The following ACSM1 variants were observed in gnomAD, a reference collection of about 807,000 sequenced individuals.
ACSM1 encodes acyl-CoA synthetase medium chain family member 1.
ACSM1 carries 79 observed loss-of-function variants against 75.8 expected under a neutral mutation model. That is an observed-to-expected ratio of 1.04 (90% CI 0.87 to 1.26). ACSM1 has a LOEUF of 1.26. Among genes scored for constraint, ACSM1 ranks in the 50% most tolerant of loss-of-function variants. The pLI, the probability that ACSM1 is intolerant of heterozygous loss-of-function variation, is 0.00. For synonymous variants in ACSM1, 279 were observed against 265.8 expected (o/e 1.05, Z -0.48); for missense variants, 676 against 720.1 (o/e 0.94, Z 0.70).
Position 20,648,641 on chromosome 16 carries a change from C to T in ACSM1, c.993-8057G>A, listed in dbSNP as rs992359347. The stretch of plus-strand genomic sequence containing the variant: ...TGAAGCCTGCACCTGGAAGCTTCAT[C>T]TGCATAATAAAAACTTTTATTTCTA... On this transcript the variant is annotated intron_variant, in intron 7 of 13. Coordinates refer to ENST00000520010, the MANE Select transcript of ACSM1 (RefSeq NM_001318890.3). This position sits in a 1 kb window ranked among gnomAD's most constrained non-coding sequence, Gnocchi z 4.2. Among the ~76,000 whole-genome samples the T allele has an allele frequency of 9.9e-5, 15 of 152,184 alleles. No homozygotes were observed. Among genetic ancestry groups the T allele is most frequent in the African/African-American group, 2.4e-4 (10 of 41,446 alleles).
At chr16:20,634,073 T>A (rs1479937286) in intron 10 of ACSM1, among the ~76,000 whole-genome samples, 1 of 152,166 alleles carries the variant, frequency 6.6e-6, no homozygotes, top group Non-Finnish European at 1.5e-5. Context: ...GAAGAAACTC[T>A]CCCATATATT....
In ACSM1 at chr16:20,685,237, C is replaced by G. The variant is rs201980910; in HGVS notation, c.359G>C (p.Arg120Pro). 5.6e-6 allele frequency: 9 copies of G among 1,614,162 alleles called. No individual in the cohort carries two copies. The Admixed American group carries it at 1.0e-4, about 18-fold the overall frequency. The change falls in exon 3 of 14, where the codon CGA (arginine) becomes CCA (proline). Residue 120 changes from arginine to proline, a missense_variant. Physicochemically the swap from Arg to Pro is moderately radical, Grantham distance 103. Transcript: ENST00000520010. ...AGCCACCAGCCACCACTCAGGAACT[C>G]GAGGCAGCATCAAGGCCAGATGGTC... ...QGDHLALMLP[R>P]VPEWWLVAVG...
chr16:20,668,252 T>C (rs1332112431), intron 6 of ACSM1, among the ~76,000 whole-genome samples: 1 of 152,158 alleles, frequency 6.6e-6, no homozygotes, highest in Non-Finnish European at 1.5e-5. Context: ...ATAAAAATAG[T>C]AAGTGGGAAA....
chr16:20,637,304 C>T, intron 9 of ACSM1, 67 bp downstream of exon 9: 1 of 1,263,180 alleles, frequency 7.9e-7, no homozygotes, highest in East Asian at 2.3e-5. Context: ...GTGTTGTCAC[C>T]TGGTGTCAAA....
At chr16:20,669,441 AACACACACAC>A (rs71149170) in intron 6 of ACSM1, among the ~76,000 whole-genome samples, 99 of 141,360 alleles carry the variant, frequency 7.0e-4, no homozygotes, top group Middle Eastern at 3.8e-3. Context: ...TGAGTAAGAA[AACACACACAC>A]ACACACACAC....
chr16:20,638,567 C>T (rs1382841993), intron 8 of ACSM1, among the ~76,000 whole-genome samples: 1 of 152,248 alleles, frequency 6.6e-6, no homozygotes, highest in Non-Finnish European at 1.5e-5. Flanking sequence ...ACAGGCGGGA[C>T]ACCAGCCAGA....
At chr16:20,682,791 G>A (rs1453516142) in intron 3 of ACSM1, among the ~76,000 whole-genome samples, 1 of 152,214 alleles carries the variant, frequency 6.6e-6, no homozygotes, top group East Asian at 1.9e-4. Flanking sequence ...TGGAAGTATA[G>A]ATGTAAACAG....
At chr16:20,627,143 G>C in intron 11 of ACSM1, 46 bp downstream of exon 11, 1 of 1,484,654 alleles carries the variant, frequency 6.7e-7, no homozygotes, top group Non-Finnish European at 8.9e-7. Context: ...AATTCCGTGA[G>C]GCATGTGACG....
At chr16:20,655,641 A>C (rs561272359) in intron 7 of ACSM1, among the ~76,000 whole-genome samples, 1 of 152,158 alleles carries the variant, frequency 6.6e-6, no homozygotes, top group African/African-American at 2.4e-5. Flanking sequence ...TTTTATTACA[A>C]ATATTGTCTT....
chr16:20,686,496 G>A (rs1273598991), intron 2 of ACSM1, among the ~76,000 whole-genome samples: 1 of 152,130 alleles, frequency 6.6e-6, no homozygotes, highest in Admixed American at 6.5e-5. Context: ...GGGAGGGAGA[G>A]CATTAGGACA....
At chr16:20,632,455 T>G (rs376342381) in intron 10 of ACSM1, among the ~76,000 whole-genome samples, 1 of 152,156 alleles carries the variant, frequency 6.6e-6, no homozygotes, top group African/African-American at 2.4e-5. Flanking sequence ...GAAAAACTAC[T>G]GGAAACACAC....
intron 1 of ACSM1, among the ~76,000 whole-genome samples, chr16:20,692,673 A>G (rs1429630108): frequency 3.3e-5 from 5 of 152,196 alleles, no homozygotes; most frequent in African/African-American, 4.8e-5. Flanking sequence ...TTTTCCTACA[A>G]GAGACTTTGC....
chr16:20,682,399 C>T lies in ACSM1; in HGVS notation c.468G>A (p.Leu156=). 8 of 1,613,778 alleles carry T rather than the reference C, an allele frequency of 5.0e-6. No homozygotes were observed. The highest frequency in any genetic ancestry group is 6.8e-6 in the Non-Finnish European group (8 of 1,179,726). ...TGGTCACAATGCCCTTGGCTTTAGACAACTGTAGTCGATAGAGAATGTCTT... is the reference window on the plus strand; with the variant it reads ...TGGTCACAATGCCCTTGGCTTTAGATAACTGTAGTCGATAGAGAATGTCTT... The part of the protein sequence containing the change: ...KAKDILYRLQ[L]SKAKGIVTID... The change falls in exon 4 of 14, where the codon TTG becomes TTA. Residue 156 remains leucine, a synonymous_variant. Transcript: ENST00000520010.
In ACSM1 at chr16:20,629,551, T is replaced by C. The variant is rs758255138; in HGVS notation, c.1300-2235A>G. On this transcript the variant is annotated intron_variant, in intron 10 of 13. Transcript: ENST00000520010. ...AATATTAAGCCACACAGAAGACAAA[T>C]AGCAAAATGGTAGAAGTCCTTCCTT... is the stretch of plus-strand genomic sequence containing the variant. Among the ~76,000 whole-genome samples the C allele has an allele frequency of 5.3e-5, 8 of 151,960 alleles. No individual in the cohort carries two copies. The South Asian group carries it at 1.2e-3, about 24-fold the overall frequency.
intron 1 of ACSM1, among the ~76,000 whole-genome samples, chr16:20,691,491 G>A (rs1295431293): frequency 1.3e-5 from 2 of 152,094 alleles, no homozygotes; most frequent in Admixed American, 1.3e-4. Flanking sequence ...CCTTCAACCT[G>A]CTAAGATGTC....
At chr16:20,627,864 GTATACATATATATATATA>G (rs1567242124) in intron 10 of ACSM1, among the ~76,000 whole-genome samples, 6 of 46,368 alleles carry the variant, frequency 1.3e-4, no homozygotes, top group Admixed American at 2.7e-4. Flanking sequence ...CTCTCTGTAT[GTATACATATATATATATA>G]TATATATATA....
At chr16:20,635,548 A>G (rs1473539) in intron 10 of ACSM1, among the ~76,000 whole-genome samples, 10 of 152,098 alleles carry the variant, frequency 6.6e-5, no homozygotes, top group Admixed American at 2.0e-4. Flanking sequence ...CATTATATAA[A>G]ATATATGTGT....
chr16:20,649,067 TTC>T (rs2152233539), intron 7 of ACSM1, among the ~76,000 whole-genome samples: 1 of 152,324 alleles, frequency 6.6e-6, no homozygotes, highest in Admixed American at 6.5e-5. Flanking sequence ...TTTGCAATCT[TTC>T]TCTCCTGTTA....
intron 7 of ACSM1, among the ~76,000 whole-genome samples, chr16:20,644,902 G>T (rs1030840289): frequency 2.6e-5 from 4 of 152,238 alleles, no homozygotes; most frequent in Admixed American, 6.5e-5. Context: ...CATAAAGGAA[G>T]TTCCCTTTGG....
Sources: gnomAD v4.1 joint callset for allele counts (sites outside exome capture counted in the v4.1 genomes callset) on GRCh38, gnomAD v4.1.1 for gene constraint, Gnocchi (gnomAD v3.1) non-coding constraint, MANE v1.5 for transcripts, NCBI Gene and HGNC (gene_info 2026-07-23, HGNC 2026-07-21) for gene names.